Variants in LRRC37A2 observed in about 807,000 individuals in gnomAD.
LRRC37A2 encodes leucine-rich repeat-containing protein 37A2.
In LRRC37A2, 9 loss-of-function variants were observed where a neutral mutation model predicts 68.8. The observed-to-expected ratio is 0.13, with a 90% CI of 0.08 to 0.23. The LOEUF is 0.23. Among genes scored for constraint, LRRC37A2 ranks in the 10% least tolerant of loss-of-function variants. LRRC37A2 has a pLI of 1.00. For synonymous variants in LRRC37A2, 63 were observed against 367.6 expected (o/e 0.17, Z 9.48); for missense variants, 168 against 950.4 (o/e 0.18, Z 10.82).
the LRRC37A2 span, chr17:46,929,758 C>T: frequency 8.3e-6 from 5 of 605,158 alleles, no homozygotes; most frequent in South Asian, 9.3e-5. Context: ...CCTGAGTGTG[C>T]CCTTTGGAAT....
chr17:46,770,824 G>A, the LRRC37A2 span, among the ~76,000 whole-genome samples: 2 of 152,230 alleles, frequency 1.3e-5, no homozygotes, highest in Non-Finnish European at 2.9e-5. Context: ...CATCGTCTCT[G>A]CATGTGCTTC....
the LRRC37A2 span, among the ~76,000 whole-genome samples, chr17:46,956,057 A>C: frequency 5.3e-5 from 8 of 152,178 alleles, no homozygotes; most frequent in Non-Finnish European, 1.2e-4. Context: ...ACGGAGTCTG[A>C]ACCCCATAGA....
the LRRC37A2 span, among the ~76,000 whole-genome samples, chr17:46,900,430 A>G: frequency 6.6e-6 from 1 of 151,806 alleles, no homozygotes; most frequent in South Asian, 2.1e-4. Context: ...TTGTATTTTT[A>G]GTAGAGATGA....
At chr17:46,831,225 A>G in the LRRC37A2 span, among the ~76,000 whole-genome samples, 1 of 152,178 alleles carries the variant, frequency 6.6e-6, no homozygotes, top group Non-Finnish European at 1.5e-5. Context: ...CTGTGTGGTC[A>G]GGGCATCTTG....
chr17:46,791,675 C>T, the LRRC37A2 span, among the ~76,000 whole-genome samples: 1 of 152,248 alleles, frequency 6.6e-6, no homozygotes, highest in Non-Finnish European at 1.5e-5. Context: ...TTTCTGTCTG[C>T]ATTCTACTTA....
the LRRC37A2 span, among the ~76,000 whole-genome samples, chr17:46,882,009 C>G: frequency 2.6e-3 from 393 of 152,112 alleles, no homozygotes; most frequent in Non-Finnish European, 4.4e-3. Context: ...ACATTATTTT[C>G]TGGCCAGGCA....
chr17:46,945,015 A>G, the LRRC37A2 span, among the ~76,000 whole-genome samples: 9 of 152,208 alleles, frequency 5.9e-5, no homozygotes, highest in Admixed American at 3.3e-4. Flanking sequence ...GACAGGATCT[A>G]CTCGTGAAAC....
chr17:46,775,458 G>A, the LRRC37A2 span, among the ~76,000 whole-genome samples: 4 of 152,160 alleles, frequency 2.6e-5, no homozygotes, highest in Admixed American at 2.6e-4. Flanking sequence ...GTTGTCAGGG[G>A]GAGAGGCAGG....
At chr17:46,635,552 C>T in the LRRC37A2 span, among the ~76,000 whole-genome samples, 1 of 97,128 alleles carries the variant, frequency 1.0e-5, no homozygotes, top group East Asian at 2.1e-4. Context: ...AGACAGATAC[C>T]AGAATGAACT....
the LRRC37A2 span, chr17:47,019,371 A>G: frequency 8.1e-6 from 13 of 1,610,488 alleles, no homozygotes; most frequent in African/African-American, 8.1e-5. Flanking sequence ...GGAGCTTACC[A>G]TAACTACAAT....
the LRRC37A2 span, chr17:46,932,185 A>C: frequency 1.7e-4 from 272 of 1,614,052 alleles, no homozygotes; most frequent in African/African-American, 3.5e-3. Context: ...TCTGTCTCGA[A>C]CCTTCACCAC....
chr17:46,580,424 CTATATCAA>C, the LRRC37A2 span, among the ~76,000 whole-genome samples: 2 of 148,284 alleles, frequency 1.3e-5, no homozygotes, highest in Non-Finnish European at 3.0e-5. Context: ...GTGCCAGAAA[CTATATCAA>C]GAACTTCAGC....
At chr17:46,940,254 GGTT>G in the LRRC37A2 span, 7 of 1,423,360 alleles carry the variant, frequency 4.9e-6, no homozygotes, top group Non-Finnish European at 6.4e-6. Context: ...TCACACTTTC[GGTT>G]GGAGGAGATC....
At chr17:46,837,239 C>A in the LRRC37A2 span, among the ~76,000 whole-genome samples, 2 of 152,208 alleles carry the variant, frequency 1.3e-5, no homozygotes, top group Non-Finnish European at 2.9e-5. Context: ...CCGTGCCTGG[C>A]TGAACCTTGC....
At chr17:46,945,029 C>T in the LRRC37A2 span, among the ~76,000 whole-genome samples, 1 of 152,126 alleles carries the variant, frequency 6.6e-6, no homozygotes, top group East Asian at 1.9e-4. Context: ...GTGAAACAAC[C>T]GAGGTTGAGA....
At chr17:46,840,060 T>C in the LRRC37A2 span, among the ~76,000 whole-genome samples, 1 of 150,606 alleles carries the variant, frequency 6.6e-6, no homozygotes, top group Non-Finnish European at 1.5e-5. Context: ...CTCTCTCTCT[T>C]TCCTTTCTTT....
the LRRC37A2 span, among the ~76,000 whole-genome samples, chr17:46,804,124 G>A: frequency 9.2e-5 from 14 of 152,068 alleles, no homozygotes; most frequent in African/African-American, 3.1e-4. Context: ...GTCTCACTCT[G>A]TTGCCCAGGC....
the LRRC37A2 span, among the ~76,000 whole-genome samples, chr17:46,823,137 TTATATTATA>T: frequency 7.6e-6 from 1 of 131,476 alleles, no homozygotes; most frequent in South Asian, 2.2e-4. Flanking sequence ...ATTATATATA[TTATATTATA>T]TATATTTATA....
chr17:47,021,846 A>C, the LRRC37A2 span: 1 of 1,490,532 alleles, frequency 6.7e-7, no homozygotes, highest in South Asian at 1.1e-5. Context: ...GTGTTTCTTC[A>C]CAGAAATTTC....
Sources: gnomAD v4.1 joint callset for allele counts (sites outside exome capture counted in the v4.1 genomes callset) on GRCh38, gnomAD v4.1.1 for gene constraint, MANE v1.5 for transcripts, NCBI Gene and HGNC (gene_info 2026-07-23, HGNC 2026-07-21) for gene names.